Variants in RTN3 observed in about 807,000 individuals in gnomAD.
RTN3 encodes reticulon-3.
RTN3 carries 49 observed loss-of-function variants against 77.8 expected under a neutral mutation model. That is an observed-to-expected ratio of 0.63 (90% CI 0.50 to 0.80). The LOEUF (loss-of-function observed/expected upper bound fraction) is 0.80. Ranked by LOEUF, RTN3 falls within the 30% of genes least tolerant of loss-of-function variation. The pLI, the probability that RTN3 is intolerant of heterozygous loss-of-function variation, is 0.00. For missense variants in RTN3, 1,236 were observed against 1,211.9 expected (o/e 1.02, Z -0.29); for synonymous variants, 464 against 446.9 (o/e 1.04, Z -0.48).
intron 1 of RTN3, among the ~76,000 whole-genome samples, chr11:63,702,716 T>C (rs1354754923): frequency 4.7e-5 from 7 of 147,652 alleles, no homozygotes; most frequent in Middle Eastern, 4.1e-3. Context: ...GACGGAGTCT[T>C]GCTCTGTTGC....
chr11:63,740,784 C>G (rs904964543), intron 3 of RTN3, among the ~76,000 whole-genome samples: 3 of 152,120 alleles, frequency 2.0e-5, no homozygotes, highest in African/African-American at 7.2e-5. Flanking sequence ...TGCTCTATAG[C>G]TAACTTTAAC....
intron 3 of RTN3, among the ~76,000 whole-genome samples, chr11:63,736,479 G>C (rs2013129963): frequency 6.6e-6 from 1 of 152,176 alleles, no homozygotes; most frequent in Admixed American, 6.6e-5. Flanking sequence ...CCTGAGGTAG[G>C]AGTTCAAGAC....
chr11:63,700,857 T>C (rs570890208), intron 1 of RTN3, among the ~76,000 whole-genome samples: 9 of 152,154 alleles, frequency 5.9e-5, no homozygotes, highest in Admixed American at 2.0e-4. Flanking sequence ...TTTGGGAGGC[T>C]GAGGCGTGCG....
At position 63,746,714 on chromosome 11, in the gene RTN3, C is replaced by T. The variant is rs537422886; in HGVS notation, c.2531-3277C>T. 5.3e-5 allele frequency among the ~76,000 whole-genome samples: 8 copies of T among 152,126 alleles called. No homozygotes were observed. In the South Asian group the frequency reaches 1.5e-3, roughly 28 times the overall value. ...TATTTTTAGTAGAGACGGGGTTTCA[C>T]GATGTTAGCCAGGATGGTCTCGGTC... On this transcript the variant is annotated intron_variant, in intron 3 of 8. Transcript: ENST00000377819.
intron 3 of RTN3, among the ~76,000 whole-genome samples, chr11:63,727,399 A>G (rs1242944232): frequency 6.6e-6 from 1 of 152,234 alleles, no homozygotes; most frequent in Non-Finnish European, 1.5e-5. Flanking sequence ...AAGGGTTTTC[A>G]TTTTAATCAC....
intron 3 of RTN3, among the ~76,000 whole-genome samples, chr11:63,737,738 T>C (rs1341201580): frequency 6.6e-6 from 1 of 152,192 alleles, no homozygotes; most frequent in South Asian, 2.1e-4. Context: ...AAATCTGAAA[T>C]TGAGGGCAAA....
At position 63,719,458 on chromosome 11, in the gene RTN3, A is replaced by T. The variant is rs1469611722; in HGVS notation, c.956A>T (p.Asn319Ile). 3.1e-6 allele frequency: 5 copies of T among 1,614,052 alleles called. No individual in the cohort carries two copies. The Admixed American group carries it at 5.0e-5, about 16-fold the overall frequency. ...CTCAGTAGGCAGTTTTCACACACAAATGCAGCACTGGAAGAGGTGTCCAGA... is the reference window on the plus strand; with the variant it reads ...CTCAGTAGGCAGTTTTCACACACAATTGCAGCACTGGAAGAGGTGTCCAGA... ...ALLSRQFSHT[N>I]AALEEVSRCV... is the part of the protein sequence containing the mutation. Residue 319 changes from asparagine to isoleucine, a missense_variant, in exon 3 of 9, where the codon AAT becomes ATT. This residue lies in a region of RTN3 where 1,056 missense variants were observed against 990.4 expected (regional missense o/e 1.07). Coordinates refer to ENST00000377819, the MANE Select transcript of RTN3 (RefSeq NM_001265589.2).
rs7931160 is a variant in RTN3 at position 63,733,750 on chromosome 11, C to T, written c.2530+12718C>T. On this transcript the variant is annotated intron_variant, in intron 3 of 8. Transcript: ENST00000377819. The stretch of plus-strand genomic sequence containing the variant: ...AAGAAAAATTAGCTGGGCGTGGTGG[C>T]GGTGGTGGTGTGTGTCTGTAGTCCC... 8.2e-3 allele frequency among the ~76,000 whole-genome samples: 1,231 copies of T among 149,616 alleles called. 14 individuals carry two copies. Among genetic ancestry groups the T allele is most frequent in the African/African-American group, 0.027 (1,095 of 40,750 alleles).
intron 1 of RTN3, among the ~76,000 whole-genome samples, chr11:63,704,609 G>A (rs1349611240): frequency 1.3e-5 from 2 of 149,750 alleles, no homozygotes; most frequent in African/African-American, 4.9e-5. Flanking sequence ...TTGAAGGTGA[G>A]AATGTTTGAC....
At chr11:63,702,218 TTTA>T (rs1436030361) in intron 1 of RTN3, among the ~76,000 whole-genome samples, 5 of 152,138 alleles carry the variant, frequency 3.3e-5, no homozygotes, top group African/African-American at 9.6e-5. Context: ...ACATGGCTTT[TTTA>T]TTCTTTTTTC....
intron 2 of RTN3, among the ~76,000 whole-genome samples, chr11:63,707,245 G>A (rs1322787303): frequency 6.6e-6 from 1 of 152,068 alleles, no homozygotes. Flanking sequence ...ACTCTAAACG[G>A]TGTAACGGTG....
intron 1 of RTN3, among the ~76,000 whole-genome samples, chr11:63,687,608 T>TAAA (rs35057519): frequency 1.5e-5 from 2 of 134,530 alleles, no homozygotes; most frequent in Non-Finnish European, 1.6e-5. Flanking sequence ...AGACTCCATC[T>TAAA]AAAAAAAAAA....
At chr11:63,723,688 A>G (rs562620830) in intron 3 of RTN3, among the ~76,000 whole-genome samples, 4 of 152,242 alleles carry the variant, frequency 2.6e-5, no homozygotes, top group Admixed American at 6.5e-5. Flanking sequence ...TGGCCTCTCA[A>G]AGTGCTGGGA....
At position 63,681,529 on chromosome 11, in the gene RTN3, C is replaced by G. The variant is rs1463118469; in HGVS notation, c.-108C>G. 1 of 1,165,860 alleles carries G rather than the reference C, an allele frequency of 8.6e-7. No individual in the cohort carries two copies. Among genetic ancestry groups the G allele is most frequent in the African/African-American group, 1.6e-5 (1 of 62,616 alleles). 72.2% of individuals were successfully genotyped at this position (1,165,860 alleles called of 1,614,324 possible). A position where few individuals can be genotyped will look rare whatever the true frequency, so the allele number is the denominator to read the frequency against. On this transcript the variant is annotated 5_prime_UTR_variant, in exon 1 of 9. Transcript: ENST00000377819. ...TGTCGGAGTCTGTCCTCGGAGCAGG[C>G]GGAGTAAAGGGACTTGAGCGAGCCA...
rs564504728 is a variant in RTN3, at chr11:63,715,468, G to A, written c.200-3234G>A. ...GCTCAGGAGTTCGAGACCAGCCTGCGCAACGTGGTGAAACCAGCTCTCTAC... is the reference window on the plus strand; with the variant it reads ...GCTCAGGAGTTCGAGACCAGCCTGCACAACGTGGTGAAACCAGCTCTCTAC... On this transcript the variant is annotated intron_variant, in intron 2 of 8. Coordinates refer to ENST00000377819, the MANE Select transcript of RTN3 (RefSeq NM_001265589.2). Among the ~76,000 whole-genome samples, 6 of 152,150 alleles carry A rather than the reference G, an allele frequency of 3.9e-5. No homozygotes were observed. The South Asian group carries it at 6.2e-4, about 16-fold the overall frequency.
intron 3 of RTN3, among the ~76,000 whole-genome samples, chr11:63,741,190 T>G (rs1014361656): frequency 2.7e-5 from 4 of 147,792 alleles, no homozygotes; most frequent in Middle Eastern, 3.5e-3. Flanking sequence ...ATTATAGTTA[T>G]TTATTTATTT....
At chr11:63,726,717 C>T (rs986625355) in intron 3 of RTN3, among the ~76,000 whole-genome samples, 4 of 151,892 alleles carry the variant, frequency 2.6e-5, no homozygotes, top group East Asian at 1.9e-4. Flanking sequence ...AAAAATTAGC[C>T]GGGCACATTG....
chr11:63,746,145 C>T (rs995948529), intron 3 of RTN3, among the ~76,000 whole-genome samples: 1 of 152,114 alleles, frequency 6.6e-6, no homozygotes, highest in Non-Finnish European at 1.5e-5. Flanking sequence ...CATCTAGGCA[C>T]ATGTCGTCTT....
chr11:63,746,884 C>A, intron 3 of RTN3: 1 of 441,978 alleles, frequency 2.3e-6, no homozygotes, highest in South Asian at 1.6e-5. Context: ...TTATATAGTA[C>A]ACATTTAAAT....
Sources: gnomAD v4.1 joint callset for allele counts (sites outside exome capture counted in the v4.1 genomes callset) on GRCh38, gnomAD v4.1.1 for gene constraint, gnomAD v4.1.1 regional missense constraint, MANE v1.5 for transcripts, NCBI Gene and HGNC (gene_info 2026-07-23, HGNC 2026-07-21) for gene names.